NXF1: variants seen among roughly 807,000 people sequenced by gnomAD.
The protein encoded by NXF1 is nuclear RNA export factor 1.
In NXF1, 43 loss-of-function variants were observed where a neutral mutation model predicts 92.4. The observed-to-expected ratio is 0.47, with a 90% CI of 0.36 to 0.60. The LOEUF (loss-of-function observed/expected upper bound fraction) is 0.60, where lower values mean the gene tolerates loss of function less well. NXF1 is among the 20% of genes least tolerant of loss of function. The pLI, the probability that NXF1 is intolerant of heterozygous loss-of-function variation, is 0.00. For synonymous variants in NXF1, 288 were observed against 292.2 expected (o/e 0.99, Z 0.15); for missense variants, 576 against 793.0 (o/e 0.73, Z 3.29).
chr11:62,794,191 G>C, intron 19 of NXF1, 67 bp downstream of exon 19: 1 of 1,464,352 alleles, frequency 6.8e-7, no homozygotes, highest in Non-Finnish European at 9.3e-7. Flanking sequence ...AAACTGTCAG[G>C]AGCCCTCATT....
intron 10 of NXF1, chr11:62,799,771 T>A: frequency 1.0e-6 from 1 of 985,824 alleles, no homozygotes; most frequent in South Asian, 4.7e-5. Flanking sequence ...GAACCCAGGT[T>A]TCTTCTTCAG....
At chr11:62,803,682 G>C (rs1185151711) in intron 2 of NXF1, 110 bp from the exon 3 acceptor site, 4 of 1,543,102 alleles carry the variant, frequency 2.6e-6, no homozygotes, top group Non-Finnish European at 3.6e-6. Flanking sequence ...CACTAAGCTA[G>C]TCCTGGCATT....
intron 1 of NXF1, 35 bp downstream of exon 1, chr11:62,805,294 G>A: frequency 6.3e-7 from 1 of 1,590,058 alleles, no homozygotes; most frequent in Admixed American, 1.8e-5. Context: ...CCGCGCCCCA[G>A]ATAGCCAGTT....
intron 10 of NXF1, chr11:62,799,615 T>C (rs1041937591): frequency 2.0e-6 from 2 of 985,784 alleles, no homozygotes; most frequent in Non-Finnish European, 2.4e-6. Flanking sequence ...TGACGTGCAG[T>C]GTGTGAGTGA....
At chr11:62,794,510 CTG>C in intron 18 of NXF1, 70 bp from the exon 19 acceptor site, 1 of 1,388,822 alleles carries the variant, frequency 7.2e-7, no homozygotes, top group Non-Finnish European at 1.0e-6. Context: ...TTCCTATTCT[CTG>C]ATTCTTTCAA....
chr11:62,793,164 C>T (rs1393607083), intron 19 of NXF1, among the ~76,000 whole-genome samples: 2 of 151,912 alleles, frequency 1.3e-5, no homozygotes, highest in African/African-American at 2.4e-5. Flanking sequence ...CTGCAACCTC[C>T]GCCTTCCAGG....
In NXF1 at chr11:62,804,316, T is replaced by C. The variant is rs2084511717; in HGVS notation, c.29-338A>G. On this transcript the variant is annotated intron_variant, in intron 1 of 20. Transcript: ENST00000294172. ...CTGAAATCTGCCACTCAGTACTTTGTCTATACAGTGCAGACGCCAGTTACA... is the reference window on the plus strand; with the variant it reads ...CTGAAATCTGCCACTCAGTACTTTGCCTATACAGTGCAGACGCCAGTTACA... The C allele has an allele frequency of 4.9e-6, 4 of 808,896 alleles. No homozygotes were observed. The Admixed American group carries it at 1.2e-4, about 25-fold the overall frequency. 50.1% of individuals were successfully genotyped at this position (808,896 alleles called of 1,614,324 possible).
chr11:62,797,733 T>C (rs1268838055), intron 11 of NXF1, among the ~76,000 whole-genome samples: 6 of 151,742 alleles, frequency 4.0e-5, no homozygotes, highest in Non-Finnish European at 5.9e-5. Flanking sequence ...AAAAAGAAAG[T>C]TGACAGTTTA....
At position 62,798,591 on chromosome 11, in the gene NXF1, C is replaced by A. The variant is rs767994563; in HGVS notation, c.1017-16G>T. The A allele has an allele frequency of 6.2e-7, 1 of 1,613,912 alleles. No homozygotes were observed. Among genetic ancestry groups the A allele is most frequent in the South Asian group, 1.1e-5 (1 of 91,046 alleles). ...GCGAATGGCGCTGTCAAGAACGGGA[C>A]AGAAGTGAGTGATGCTTCAGAGCCA... On this transcript the variant is annotated splice_polypyrimidine_tract_variant and intron_variant, in intron 10 of 20. Coordinates refer to ENST00000294172, the MANE Select transcript of NXF1 (RefSeq NM_006362.5).
chr11:62,800,116 GA>G, intron 10 of NXF1: 1 of 1,334,526 alleles, frequency 7.5e-7, no homozygotes. Flanking sequence ...GGAGATTCTA[GA>G]AAAGGTTGTG....
In NXF1 at chr11:62,805,319, C is replaced by A; in HGVS notation, c.28+10G>T. 1.2e-6 allele frequency: 2 copies of A among 1,607,794 alleles called. No homozygotes were observed. The highest frequency in any genetic ancestry group is 1.7e-6 in the Non-Finnish European group (2 of 1,177,466). On this transcript the variant is annotated intron_variant, in intron 1 of 20. Coordinates refer to ENST00000294172, the MANE Select transcript of NXF1 (RefSeq NM_006362.5). ...GATAGCCAGTTCCCGACCCGAAGAC[C>A]AGCACTTACCGCTGTACGACTTCCC...
In NXF1 at chr11:62,805,323, A is replaced by T; in HGVS notation, c.28+6T>A. The T allele has an allele frequency of 1.2e-6, 2 of 1,609,684 alleles. No homozygotes were observed. Among genetic ancestry groups the T allele is most frequent in the Non-Finnish European group, 1.7e-6 (2 of 1,178,186 alleles). On this transcript the variant is annotated splice_donor_region_variant and intron_variant, in intron 1 of 20. Coordinates refer to ENST00000294172, the MANE Select transcript of NXF1 (RefSeq NM_006362.5). ...GCCAGTTCCCGACCCGAAGACCAGC[A>T]CTTACCGCTGTACGACTTCCCCTCG...
At chr11:62,793,189 C>G (rs2084384549) in intron 19 of NXF1, among the ~76,000 whole-genome samples, 1 of 152,126 alleles carries the variant, frequency 6.6e-6, no homozygotes, top group Non-Finnish European at 1.5e-5. Flanking sequence ...AGCAATTCTC[C>G]TGCCTCAGCC....
chr11:62,795,894 T>C lies in NXF1; in HGVS notation c.1504+7A>G, dbSNP rs1389986303. ...CGCTACAAACTCGGGACTCTAAAGA[T>C]TCTTACCTTCCTTGAAGACTCCATT... On this transcript the variant is annotated splice_region_variant and intron_variant, in intron 17 of 20. Coordinates refer to ENST00000294172, the MANE Select transcript of NXF1 (RefSeq NM_006362.5). 14 of 1,613,122 alleles carry C rather than the reference T, an allele frequency of 8.7e-6. No homozygotes were observed. The highest frequency in any genetic ancestry group is 1.1e-5 in the Non-Finnish European group (13 of 1,179,810).
Position 62,803,856 on chromosome 11 carries a change from G to A in NXF1, c.151C>T (p.Arg51Cys), listed in dbSNP as rs1353795553. 8.1e-6 allele frequency: 13 copies of A among 1,614,018 alleles called. No homozygotes were observed. In the Middle Eastern group the frequency reaches 4.9e-4, roughly 61 times the overall value. Residue 51 changes from arginine (R) to cysteine (C), a missense_variant, in exon 2 of 21, where the codon CGC (arginine) becomes TGC (cysteine). By Grantham distance (180) the Arg-to-Cys change is radical (BLOSUM62 -3). Transcript: ENST00000294172. ...GRGGSGIRSSRLEEDDGDVAM... is the reference protein window; with the variant it reads ...GRGGSGIRSSCLEEDDGDVAM... ...ACATCTCCATCATCTTCCTCAAGGC[G>A]GGAAGACCGAATACCAGAACCGCCT... is the stretch of plus-strand genomic sequence containing the variant.
rs568158252 is a variant in NXF1 at position 62,800,035 on chromosome 11, A to G, written c.1016+342T>C. The G allele has an allele frequency of 2.2e-4, 231 of 1,066,698 alleles. 5 individuals are homozygous for G. In the South Asian group the frequency reaches 7.7e-3, roughly 36 times the overall value. 66.1% of individuals were successfully genotyped at this position (1,066,698 alleles called of 1,614,324 possible). On this transcript the variant is annotated intron_variant, in intron 10 of 20. Coordinates refer to ENST00000294172, the MANE Select transcript of NXF1 (RefSeq NM_006362.5). ...CTCTTGGCACAAGGCAACCCCATCT[A>G]TAGGGTATGTACAAGATACCCTCTG...
At chr11:62,798,488 TTG>T in intron 11 of NXF1, 49 bp downstream of exon 11, 1 of 1,598,824 alleles carries the variant, frequency 6.3e-7, no homozygotes, top group Non-Finnish European at 8.5e-7. Context: ...CCAGGAATCC[TTG>T]TGAGTGAGAG....
At chr11:62,802,954 C>T (rs2084495193) in intron 3 of NXF1, among the ~76,000 whole-genome samples, 1 of 152,102 alleles carries the variant, frequency 6.6e-6, no homozygotes, top group Non-Finnish European at 1.5e-5. Context: ...TCTGAACCTG[C>T]TCTAAGGTGT....
intron 19 of NXF1, 84 bp downstream of exon 19, chr11:62,794,174 A>C (rs1360550720): frequency 3.6e-6 from 5 of 1,386,776 alleles, no homozygotes; most frequent in Admixed American, 2.2e-5. Context: ...CCAAAAAAAA[A>C]ACAAAAAAAC....
Sources: gnomAD v4.1 joint callset for allele counts (sites outside exome capture counted in the v4.1 genomes callset) on GRCh38, gnomAD v4.1.1 for gene constraint, MANE v1.5 for transcripts, NCBI Gene and HGNC (gene_info 2026-07-23, HGNC 2026-07-21) for gene names.